ERI1: variants seen among roughly 807,000 people sequenced by gnomAD.
The protein encoded by ERI1 is 3'-5' exoribonuclease 1.
In ERI1, 39 loss-of-function variants were observed where a neutral mutation model predicts 39.7. That is an observed-to-expected ratio of 0.98 (90% confidence interval 0.76 to 1.28). The LOEUF is 1.28. Ranked by LOEUF, ERI1 falls within the 50% of genes most tolerant of loss-of-function variation. ERI1 has a pLI of 0.00. For missense variants in ERI1, 581 were observed against 416.9 expected, an observed-to-expected ratio of 1.39 and a Z score of -3.43; for synonymous variants, 204 against 149.6, an observed-to-expected ratio of 1.36 and a Z score of -2.65.
chr8:9,048,914 G>T (rs1798262277), intron 3 of ERI1, among the ~76,000 whole-genome samples: 2 of 152,008 alleles, frequency 1.3e-5, no homozygotes, highest in South Asian at 2.1e-4. Flanking sequence ...CCAAAGTGCT[G>T]GGATTACAGG....
At chr8:9,075,798 A>T (rs1799192411) in intron 3 of ERI1, among the ~76,000 whole-genome samples, 1 of 152,170 alleles carries the variant, frequency 6.6e-6, no homozygotes, top group Non-Finnish European at 1.5e-5. Context: ...AATCTTAAAA[A>T]ATTTTTTATT....
chr8:9,016,257 G>T (rs1028601674), intron 3 of ERI1, 65 bp from the exon 4 acceptor site: 7 of 928,488 alleles, frequency 7.5e-6, no homozygotes, highest in African/African-American at 1.7e-5. Context: ...TGAATTCGTC[G>T]TGTATCATGT....
rs771702218 is a variant in ERI1 at position 9,008,034 on chromosome 8, C to A, written c.173C>A (p.Ala58Glu). 8.1e-6 allele frequency: 13 copies of A among 1,598,072 alleles called. No individual in the cohort carries two copies. The highest frequency in any genetic ancestry group is 9.3e-6 in the Non-Finnish European group (11 of 1,176,924). Residue 58 changes from alanine (A) to glutamate (E), a missense_variant, in exon 2 of 7, where the codon GCG (alanine) becomes GAG (glutamate). By Grantham distance (107) the Ala-to-Glu change is moderately radical (BLOSUM62 -1). Transcript: ENST00000250263. ...TKGSKFITSS[A>E]SDFSDPVYKE... is the part of the protein sequence containing the mutation. ...GGATCCAAGTTCATTACCTCCAGTG[C>A]GAGTGACTTCAGTGACCCGGTTTAC... is the stretch of plus-strand genomic sequence containing the variant.
At chr8:9,020,285 A>C (rs1817738417) in intron 5 of ERI1, 65 bp from the exon 6 acceptor site, 1 of 770,934 alleles carries the variant, frequency 1.3e-6, no homozygotes, top group Non-Finnish European at 2.0e-6. Context: ...ATGATTTAAA[A>C]TACTCATTTG....
chr8:9,006,862 T>C (rs1263437657), intron 1 of ERI1, among the ~76,000 whole-genome samples: 2 of 152,122 alleles, frequency 1.3e-5, no homozygotes, highest in African/African-American at 4.8e-5. Flanking sequence ...ATTGAGAGCT[T>C]AGAGTAAGAA....
downstream of ERI1, among the ~76,000 whole-genome samples, chr8:9,036,318 C>G (rs1797844059): frequency 6.6e-6 from 1 of 152,156 alleles, no homozygotes; most frequent in Non-Finnish European, 1.5e-5. Context: ...TCATTGTTGT[C>G]TCATTTTGAG....
At chr8:9,034,689 C>G (rs1317581515), downstream of ERI1, among the ~76,000 whole-genome samples, 1 of 152,148 alleles carries the variant, frequency 6.6e-6, no homozygotes, top group Non-Finnish European at 1.5e-5. Flanking sequence ...AATTAATAAG[C>G]CTACAGTGGC....
chr8:9,096,212 T>G (rs1461894823), intron 3 of ERI1, among the ~76,000 whole-genome samples: 1 of 152,194 alleles, frequency 6.6e-6, no homozygotes, highest in African/African-American at 2.4e-5. Context: ...ACAGTGCCTT[T>G]TCAGTTGCTT....
At chr8:9,087,666 A>G (rs1563097954) in intron 3 of ERI1, among the ~76,000 whole-genome samples, 1 of 152,070 alleles carries the variant, frequency 6.6e-6, no homozygotes, top group African/African-American at 2.4e-5. Context: ...TAGTTTGGAG[A>G]TGTAGCAACA....
intron 6 of ERI1, among the ~76,000 whole-genome samples, chr8:9,022,664 T>A (rs1013339912): frequency 1.3e-5 from 2 of 152,222 alleles, no homozygotes; most frequent in Non-Finnish European, 2.9e-5. Flanking sequence ...CCTCCCAAAG[T>A]GCTGGGATTA....
At chr8:9,058,290 C>G (rs1308618172) in intron 3 of ERI1, among the ~76,000 whole-genome samples, 1 of 152,146 alleles carries the variant, frequency 6.6e-6, no homozygotes, top group East Asian at 1.9e-4. Flanking sequence ...AGGGTGGAGC[C>G]ACGGGCAGTT....
intron 3 of ERI1, among the ~76,000 whole-genome samples, chr8:9,012,351 G>A (rs772976466): frequency 1.3e-5 from 2 of 152,236 alleles, no homozygotes; most frequent in Non-Finnish European, 2.9e-5. Flanking sequence ...AGAAAGTCTA[G>A]TAGGAATTCC....
In ERI1 at chr8:9,064,800, G is replaced by A. The variant is rs148359224; in HGVS notation, n.299+44336G>A. Reference sequence around the variant, plus strand: ...CGAGTCATGGCACCAAATTTCATGCGCATCCATGTGAAGAGACCACCAAAC... The same window carrying A: ...CGAGTCATGGCACCAAATTTCATGCACATCCATGTGAAGAGACCACCAAAC... On this transcript the variant is annotated intron_variant and non_coding_transcript_variant, in intron 3 of 3. Transcript: ENST00000518663. 4.7e-3 allele frequency among the ~76,000 whole-genome samples: 723 copies of A among 152,232 alleles called. 5 individuals are homozygous for A. The highest frequency in any genetic ancestry group is 0.017 in the African/African-American group (700 of 41,518).
chr8:9,058,180 C>G (rs771546007), intron 3 of ERI1, among the ~76,000 whole-genome samples: 6 of 152,148 alleles, frequency 3.9e-5, no homozygotes, highest in Non-Finnish European at 8.8e-5. Context: ...TGCAAATTAC[C>G]CAGAGCCCTC....
chr8:9,042,938 G>C (rs891621607), intron 3 of ERI1, among the ~76,000 whole-genome samples: 4 of 152,178 alleles, frequency 2.6e-5, no homozygotes, highest in Admixed American at 6.5e-5. Flanking sequence ...GCGCAGTGCC[G>C]TATGTCCCCC....
intron 3 of ERI1, among the ~76,000 whole-genome samples, chr8:9,054,222 G>A (rs935207835): frequency 2.6e-5 from 4 of 152,160 alleles, no homozygotes; most frequent in Admixed American, 6.5e-5. Context: ...ACCTATTTTG[G>A]ACTCATGGCA....
Position 9,042,840 on chromosome 8 carries a change from G to A in ERI1, n.299+22376G>A, listed in dbSNP as rs575973370. Among the ~76,000 whole-genome samples, 4 of 152,296 alleles carry A rather than the reference G, an allele frequency of 2.6e-5. No individual in the cohort carries two copies. The South Asian group carries it at 8.3e-4, about 32-fold the overall frequency. ...CAAGATCTGAGAAGATTCAAAATCT[G>A]AAACATTTCTGGTCCCTAGCATTTC... On this transcript the variant is annotated intron_variant and non_coding_transcript_variant, in intron 3 of 3. Transcript: ENST00000518663.
chr8:9,093,148 C>T (rs1204952005), intron 3 of ERI1, among the ~76,000 whole-genome samples: 1 of 152,216 alleles, frequency 6.6e-6, no homozygotes, highest in Non-Finnish European at 1.5e-5. Context: ...CCAAACACAG[C>T]AGGGGTGACC....
intron 3 of ERI1, among the ~76,000 whole-genome samples, chr8:9,062,487 T>A (rs1585273215): frequency 6.7e-6 from 1 of 149,060 alleles, no homozygotes; most frequent in Admixed American, 6.9e-5. Flanking sequence ...GGCACCAGAG[T>A]TGGGGAGTTT....
Sources: gnomAD v4.1 joint callset for allele counts (sites outside exome capture counted in the v4.1 genomes callset) on GRCh38, gnomAD v4.1.1 for gene constraint, MANE v1.5 for transcripts, NCBI Gene and HGNC (gene_info 2026-07-23, HGNC 2026-07-21) for gene names.